PRMT8: variants seen among roughly 807,000 people sequenced by gnomAD.
PRMT8 encodes the protein protein arginine N-methyltransferase 8.
PRMT8 carries 7 observed loss-of-function variants against 47.1 expected under a neutral mutation model. The ratio of observed to expected loss-of-function variants is 0.15; its 90% CI spans 0.08 to 0.28. The LOEUF (loss-of-function observed/expected upper bound fraction) is 0.28. Among genes scored for constraint, PRMT8 ranks in the 10% least tolerant of loss-of-function variants. The probability of loss-of-function intolerance (pLI) is 1.00; values close to 1 mark genes in which losing one functional copy is unlikely to be tolerated. For synonymous variants in PRMT8, 188 were observed against 186.5 expected, an observed-to-expected ratio of 1.01 and a Z score of -0.07; for missense variants, 237 against 505.4, an observed-to-expected ratio of 0.47 and a Z score of 5.09.
intron 8 of PRMT8, among the ~76,000 whole-genome samples, chr12:3,591,407 C>CTTTTTTTTT (rs34619063): frequency 1.1e-4 from 13 of 115,754 alleles, no homozygotes; most frequent in African/African-American, 4.0e-4. Context: ...AGGGAAAGCT[C>CTTTTTTTTT]TTTTTTTTTT....
intron 1 of PRMT8, among the ~76,000 whole-genome samples, chr12:3,403,171 C>A (rs896636002): frequency 6.6e-6 from 1 of 152,228 alleles, no homozygotes; most frequent in South Asian, 2.1e-4. Flanking sequence ...TTTGCAGGGA[C>A]ATGGATGGAG....
intron 1 of PRMT8, among the ~76,000 whole-genome samples, chr12:3,391,514 G>A (rs1242160595): frequency 6.6e-6 from 1 of 152,202 alleles, no homozygotes; most frequent in Non-Finnish European, 1.5e-5. Context: ...AGAGATGGGA[G>A]TGATGGGAGA....
chr12:3,466,589 C>T (rs1011811435), intron 1 of PRMT8, among the ~76,000 whole-genome samples: 1 of 152,138 alleles, frequency 6.6e-6, no homozygotes, highest in Non-Finnish European at 1.5e-5. Context: ...GACATTATCA[C>T]TATCAGGCTA....
rs183553489 is a variant in PRMT8, at chr12:3,458,349, G to A, written c.48+76907G>A. On this transcript the variant is annotated intron_variant, in intron 1 of 9. Coordinates refer to the PRMT8 transcript ENST00000452611. ...CATCCTTGGCGGTGAGGACCAGAGA[G>A]CCAGGTGCTGATGGGCACAGAGCTG... Among the ~76,000 whole-genome samples, 344 of 152,298 alleles carry A rather than the reference G, an allele frequency of 2.3e-3. 6 individuals carry two copies. The highest frequency in any genetic ancestry group is 6.3e-3 in the Admixed American group (96 of 15,304).
intron 1 of PRMT8, among the ~76,000 whole-genome samples, chr12:3,444,400 C>T (rs1864835628): frequency 6.6e-6 from 1 of 152,180 alleles, no homozygotes; most frequent in South Asian, 2.1e-4. Flanking sequence ...AGCCTGGAGA[C>T]CACTGTCCTA....
chr12:3,530,678 G>A (rs1488020335), intron 1 of PRMT8, among the ~76,000 whole-genome samples: 1 of 152,162 alleles, frequency 6.6e-6, no homozygotes, highest in Non-Finnish European at 1.5e-5. Flanking sequence ...TAAGGGAGGG[G>A]CCAGGGCCAA....
At chr12:3,491,894 G>GTGTGT (rs1314270046) in intron 1 of PRMT8, among the ~76,000 whole-genome samples, 194 bp downstream of exon 1, 3 of 144,124 alleles carry the variant, frequency 2.1e-5, no homozygotes, top group African/African-American at 5.2e-5. Flanking sequence ...GTGTGTTGGT[G>GTGTGT]GGGGGTGGGG....
intron 2 of PRMT8, among the ~76,000 whole-genome samples, chr12:3,548,515 A>G (rs1225215443): frequency 6.6e-6 from 1 of 152,246 alleles, no homozygotes; most frequent in African/African-American, 2.4e-5. Flanking sequence ...AAAAATGAAC[A>G]GAGGACTTGA....
chr12:3,479,183 C>T (rs1480996120), intron 1 of PRMT8, among the ~76,000 whole-genome samples: 1 of 152,216 alleles, frequency 6.6e-6, no homozygotes, highest in Non-Finnish European at 1.5e-5. Flanking sequence ...TGTCCTCTGC[C>T]TAATTGGGTT....
At position 3,465,574 on chromosome 12, in the gene PRMT8, G is replaced by A. The variant is rs1425018013; in HGVS notation, c.49-75032G>A. Among the ~76,000 whole-genome samples the A allele has an allele frequency of 2.0e-5, 3 of 152,164 alleles. No individual in the cohort carries two copies. The East Asian group carries it at 5.8e-4, about 29-fold the overall frequency. On this transcript the variant is annotated intron_variant, in intron 1 of 9. Coordinates refer to the PRMT8 transcript ENST00000452611. ...AGCAGGTTTGAGCCAGATCACAAGT[G>A]GCCCTGGATGATGGGTTAGGGATTT...
At chr12:3,419,381 C>T (rs1864515939) in intron 1 of PRMT8, among the ~76,000 whole-genome samples, 1 of 152,218 alleles carries the variant, frequency 6.6e-6, no homozygotes, top group Non-Finnish European at 1.5e-5. Flanking sequence ...AAGGAGAAAG[C>T]TGTATCTGAC....
At chr12:3,401,283 T>C (rs1864313798) in intron 1 of PRMT8, among the ~76,000 whole-genome samples, 1 of 151,992 alleles carries the variant, frequency 6.6e-6, no homozygotes, top group Non-Finnish European at 1.5e-5. Context: ...CATCACTTCA[T>C]GTTAAAAACT....
Position 3,550,247 on chromosome 12 carries a change from A to C in PRMT8, c.417+156A>C. ...GAAGAAATCAGGTGTGACTCTCAGG[A>C]AGGGGAGCAGGCTGCCTGTCCCCTG... On this transcript the variant is annotated intron_variant, in intron 3 of 9. Transcript: ENST00000382622. This position sits in a 1 kb window ranked among gnomAD's most constrained non-coding sequence, Gnocchi z 5.1. 6 of 871,654 alleles carry C rather than the reference A, an allele frequency of 6.9e-6. No homozygotes were observed. Among genetic ancestry groups the C allele is most frequent in the Non-Finnish European group, 1.0e-5 (6 of 575,654 alleles). 54.0% of individuals were successfully genotyped at this position (871,654 alleles called of 1,614,324 possible).
intron 1 of PRMT8, among the ~76,000 whole-genome samples, chr12:3,466,063 G>T (rs897862698): frequency 3.9e-5 from 6 of 152,290 alleles, no homozygotes; most frequent in African/African-American, 1.4e-4. Flanking sequence ...GTGACCAGAA[G>T]GATGGACCCT....
intron 8 of PRMT8, among the ~76,000 whole-genome samples, chr12:3,585,345 C>CTT (rs71061123): frequency 0.19 from 8,853 of 45,738 alleles, 3,544 homozygotes; most frequent in Middle Eastern, 0.31. Flanking sequence ...GAAAATGATG[C>CTT]TTTTTTTTTT....
chr12:3,512,479 C>A (rs1865727781), intron 1 of PRMT8, among the ~76,000 whole-genome samples: 1 of 152,170 alleles, frequency 6.6e-6, no homozygotes, highest in Non-Finnish European at 1.5e-5. Flanking sequence ...TGCTTCTCTC[C>A]TTGTCTGCCT....
intron 1 of PRMT8, 66 bp from the exon 2 acceptor site, chr12:3,540,540 C>A: frequency 1.8e-6 from 2 of 1,109,636 alleles, no homozygotes; most frequent in South Asian, 1.4e-5. Context: ...GAAAGAGGAC[C>A]GCAAGCCTCC....
At chr12:3,513,086 C>T (rs1185259000) in intron 1 of PRMT8, among the ~76,000 whole-genome samples, 3 of 152,182 alleles carry the variant, frequency 2.0e-5, no homozygotes, top group Non-Finnish European at 4.4e-5. Context: ...TTGAGTGTCT[C>T]AGTTGCTCTG....
chr12:3,507,185 C>A (rs928351387), intron 1 of PRMT8, among the ~76,000 whole-genome samples: 1 of 149,656 alleles, frequency 6.7e-6, no homozygotes, highest in South Asian at 2.1e-4. Context: ...GCAGTGGCGC[C>A]ATCTCAGCTT....
Sources: gnomAD v4.1 joint callset for allele counts (sites outside exome capture counted in the v4.1 genomes callset) on GRCh38, gnomAD v4.1.1 for gene constraint, Gnocchi (gnomAD v3.1) non-coding constraint, MANE v1.5 for transcripts, NCBI Gene and HGNC (gene_info 2026-07-23, HGNC 2026-07-21) for gene names.